AFF1: variants seen among roughly 807,000 people sequenced by gnomAD.
AFF1 encodes AF4/FMR2 family member 1.
A neutral mutation model predicts 121.7 loss-of-function variants in AFF1; 48 were observed. The observed-to-expected ratio is 0.39, with a 90% CI of 0.31 to 0.50. AFF1 has a LOEUF of 0.50. Ranked by LOEUF, AFF1 falls within the 20% of genes least tolerant of loss-of-function variation. The pLI, the probability that AFF1 is intolerant of heterozygous loss-of-function variation, is 0.76. For missense variants in AFF1, 1,523 were observed against 1,511.7 expected (o/e 1.01, Z -0.12); for synonymous variants, 613 against 563.0 (o/e 1.09, Z -1.26).
intron 8 of AFF1, 30 bp from the exon 9 acceptor site, chr4:87,105,598 C>A: frequency 3.1e-6 from 5 of 1,613,352 alleles, no homozygotes; most frequent in Non-Finnish European, 4.2e-6. Context: ...ATTTCACATT[C>A]ATTCTTCTCT....
At chr4:86,985,569 G>A (rs1241461129) in intron 2 of AFF1, among the ~76,000 whole-genome samples, 4 of 150,662 alleles carry the variant, frequency 2.7e-5, no homozygotes, top group Non-Finnish European at 5.9e-5. Flanking sequence ...TCAGCTCCTC[G>A]GGAGGCTGAG....
chr4:86,974,864 C>A (rs553469159), intron 2 of AFF1, among the ~76,000 whole-genome samples: 4 of 152,270 alleles, frequency 2.6e-5, no homozygotes, highest in Admixed American at 2.0e-4. Context: ...ATTTTGCCAT[C>A]GTTTCTGGTT....
chr4:87,104,419 T>C (rs775942698), intron 8 of AFF1, among the ~76,000 whole-genome samples: 17 of 152,138 alleles, frequency 1.1e-4, no homozygotes, highest in Non-Finnish European at 1.8e-4. Context: ...GAATTTAGCT[T>C]CTGTTAGATA....
At chr4:87,117,429 C>T (rs906852461) in intron 12 of AFF1, among the ~76,000 whole-genome samples, 10 of 152,192 alleles carry the variant, frequency 6.6e-5, no homozygotes, top group African/African-American at 2.4e-4. Flanking sequence ...TGGTTCCAAA[C>T]CCCGGCTACA....
intron 2 of AFF1, among the ~76,000 whole-genome samples, chr4:86,951,573 A>C (rs1356986116): frequency 6.6e-6 from 1 of 151,696 alleles, no homozygotes; most frequent in Non-Finnish European, 1.5e-5. Flanking sequence ...GAAAAGGTAA[A>C]GATGGGGGAT....
chr4:87,040,038 C>T (rs767502902), intron 2 of AFF1, among the ~76,000 whole-genome samples: 6 of 152,020 alleles, frequency 3.9e-5, no homozygotes, highest in Non-Finnish European at 7.4e-5. Context: ...ATTACAAGCA[C>T]GTGCCACTAC....
intron 2 of AFF1, among the ~76,000 whole-genome samples, chr4:86,963,166 C>CAAA (rs11341612): frequency 8.1e-4 from 51 of 63,282 alleles, no homozygotes; most frequent in African/African-American, 3.1e-3. Context: ...ACTCCCATCT[C>CAAA]AAAAAAAAAA....
intron 8 of AFF1, among the ~76,000 whole-genome samples, chr4:87,104,746 G>A (rs1024633140): frequency 1.3e-5 from 2 of 152,102 alleles, no homozygotes; most frequent in Non-Finnish European, 2.9e-5. Flanking sequence ...ATAATTTGCC[G>A]GTGGAGTTTT....
At chr4:87,070,852 G>A (rs1017971863) in intron 4 of AFF1, among the ~76,000 whole-genome samples, 18 of 152,090 alleles carry the variant, frequency 1.2e-4, no homozygotes, top group African/African-American at 4.3e-4. Context: ...ATTTGTAGGG[G>A]GTGTAAATTT....
chr4:87,134,825 T>C (rs1729164943), intron 20 of AFF1, 131 bp downstream of exon 20: 6 of 836,980 alleles, frequency 7.2e-6, no homozygotes, highest in Non-Finnish European at 3.6e-6. Context: ...TAATTATATT[T>C]TCTCTATTCT....
At chr4:87,122,887 A>T (rs1344559375) in intron 12 of AFF1, among the ~76,000 whole-genome samples, 1 of 149,110 alleles carries the variant, frequency 6.7e-6, no homozygotes, top group African/African-American at 2.5e-5. Context: ...TTAGTAAAAA[A>T]AAAAAAAAAA....
At chr4:86,995,428 C>T (rs1247403060) in intron 2 of AFF1, among the ~76,000 whole-genome samples, 1 of 150,990 alleles carries the variant, frequency 6.6e-6, no homozygotes, top group East Asian at 2.0e-4. Flanking sequence ...TCTCCTGCCT[C>T]AGCCTGCCGA....
chr4:87,021,305 G>A (rs1727876013), intron 2 of AFF1, among the ~76,000 whole-genome samples: 1 of 152,340 alleles, frequency 6.6e-6, no homozygotes, highest in South Asian at 2.1e-4. Flanking sequence ...AAAGGCTAAA[G>A]TAGAGGGCCA....
chr4:86,963,145 G>A (rs1722267532), intron 2 of AFF1, among the ~76,000 whole-genome samples: 1 of 112,978 alleles, frequency 8.9e-6, no homozygotes, highest in Non-Finnish European at 1.7e-5. Context: ...CAGCCTGGGT[G>A]ACAGAGTGAG....
chr4:87,084,429 G>C (rs1235910155), intron 5 of AFF1, among the ~76,000 whole-genome samples: 1 of 151,988 alleles, frequency 6.6e-6, no homozygotes, highest in East Asian at 1.9e-4. Flanking sequence ...TGTAGTCCCA[G>C]CTACTCAGGA....
At chr4:87,129,980 C>CT (rs111862348) in intron 16 of AFF1, among the ~76,000 whole-genome samples, 24,118 of 144,498 alleles carry the variant, frequency 0.17, 2,129 homozygotes, top group Middle Eastern at 0.2. Context: ...TTTTCTTTTT[C>CT]TTTTTTTTTT....
chr4:87,062,991 C>T (rs932723194), intron 4 of AFF1, among the ~76,000 whole-genome samples: 2 of 151,990 alleles, frequency 1.3e-5, no homozygotes, highest in African/African-American at 4.8e-5. Flanking sequence ...TTTACCTTCT[C>T]GAGGCCGTTA....
intron 2 of AFF1, among the ~76,000 whole-genome samples, chr4:87,006,629 C>T (rs1387269513): frequency 6.6e-6 from 1 of 152,234 alleles, no homozygotes; most frequent in Non-Finnish European, 1.5e-5. Context: ...TGGTTTACTG[C>T]CGCGGTCTTG....
chr4:86,946,054 A>G (rs1344075323), intron 1 of AFF1, among the ~76,000 whole-genome samples: 1 of 152,160 alleles, frequency 6.6e-6, no homozygotes, highest in Non-Finnish European at 1.5e-5. Context: ...AAGGCATCTC[A>G]TTATGATGTA....
Sources: allele counts gnomAD v4.1 joint callset (sites outside exome capture counted in the v4.1 genomes callset), GRCh38; gene constraint gnomAD v4.1.1; transcripts MANE v1.5; gene names NCBI Gene and HGNC (gene_info 2026-07-23, HGNC 2026-07-21).